NSF: variants seen among roughly 807,000 people sequenced by gnomAD.
NSF encodes N-ethylmaleimide sensitive factor, vesicle fusing ATPase.
In NSF, 14 loss-of-function variants were observed where a neutral mutation model predicts 50.3. That is an observed-to-expected ratio of 0.28 (90% confidence interval 0.18 to 0.44). The LOEUF is 0.44. Ranked by LOEUF, NSF falls within the 20% of genes least tolerant of loss-of-function variation. The pLI is 1.00. For synonymous variants in NSF, 109 were observed against 175.7 expected, an observed-to-expected ratio of 0.62 and a Z score of 3.00; for missense variants, 218 against 504.3, an observed-to-expected ratio of 0.43 and a Z score of 5.44.
At chr17:46,711,238 T>G in intron 14 of NSF, 119 bp downstream of exon 14, 1 of 971,288 alleles carries the variant, frequency 1.0e-6, no homozygotes, top group Non-Finnish European at 1.4e-6. Flanking sequence ...TTGTTCTTGA[T>G]CTGAAAATAG....
chr17:46,751,202 G>C (rs988229268), intron 18 of NSF, among the ~76,000 whole-genome samples: 2 of 152,150 alleles, frequency 1.3e-5, no homozygotes, highest in African/African-American at 4.8e-5. Flanking sequence ...TCCTAGAAAA[G>C]AATGTTAAAA....
intron 15 of NSF, chr17:46,722,052 G>A: frequency 6.2e-7 from 1 of 1,609,898 alleles, no homozygotes; most frequent in Non-Finnish European, 8.5e-7. Context: ...TCCCTGAGCT[G>A]AGCCTTGAGG....
intron 17 of NSF, among the ~76,000 whole-genome samples, chr17:46,730,596 T>C (rs1001495079): frequency 2.0e-5 from 3 of 152,200 alleles, no homozygotes; most frequent in Non-Finnish European, 2.9e-5. Context: ...CATTATCTTA[T>C]GCTTTTAAAT....
intron 1 of NSF, among the ~76,000 whole-genome samples, chr17:46,601,741 A>G (rs2057912523): frequency 6.6e-6 from 1 of 150,432 alleles, no homozygotes; most frequent in Non-Finnish European, 1.5e-5. Context: ...ATTTGCATCA[A>G]TAACACTGTT....
intron 19 of NSF, among the ~76,000 whole-genome samples, chr17:46,752,870 G>T (rs1185797028): frequency 6.6e-6 from 1 of 152,050 alleles, no homozygotes; most frequent in Non-Finnish European, 1.5e-5. Flanking sequence ...GGGTTCAAGG[G>T]ATTCTCCTGC....
intron 1 of NSF, among the ~76,000 whole-genome samples, chr17:46,605,993 TACAAAAAAAA>T: frequency 1.3e-3 from 1 of 762 alleles, no homozygotes; most frequent in East Asian, 0.022. Context: ...CTACTAAAAA[TACAAAAAAAA>T]AAAAAAAAAA....
intron 17 of NSF, among the ~76,000 whole-genome samples, chr17:46,748,099 CT>C (rs1338482156): frequency 6.6e-6 from 1 of 152,014 alleles, no homozygotes; most frequent in Non-Finnish European, 1.5e-5. Context: ...TATTTCTAAC[CT>C]TTTTATTTAT....
At chr17:46,750,812 A>C (rs2059174975) in intron 18 of NSF, among the ~76,000 whole-genome samples, 1 of 152,082 alleles carries the variant, frequency 6.6e-6, no homozygotes, top group South Asian at 2.1e-4. Context: ...GCATTTAATA[A>C]GTTGGAACAA....
In NSF at chr17:46,751,418, CTCT is replaced by C. The variant is rs1346155125; in HGVS notation, c.2044-80_2044-78del. The stretch of plus-strand genomic sequence containing the variant: ...TTGAACAGTTAGGTAGTTCTTATCA[CTCT>C]TCTTTTAAAGGTAAATAGAATTAAC... On this transcript the variant is annotated intron_variant, in intron 18 of 20. Coordinates refer to ENST00000398238, the MANE Select transcript of NSF (RefSeq NM_006178.4). 1.2e-5 allele frequency: 12 copies of C among 967,394 alleles called. No individual in the cohort carries two copies. The African/African-American group carries it at 1.9e-4, about 16-fold the overall frequency. The allele number at this position is 967,394 out of a possible 1,614,324, so 59.9% of individuals were successfully genotyped here. A position where few individuals can be genotyped will look rare whatever the true frequency, so the allele number is the denominator to read the frequency against.
Position 46,640,281 on chromosome 17 carries a change from ATAG to A in NSF, c.513+124_513+126del, listed in dbSNP as rs1452985849. 7.7e-6 allele frequency: 2 copies of A among 259,080 alleles called. 1 individual carries two copies. Among genetic ancestry groups the A allele is most frequent in the Non-Finnish European group, 1.3e-5 (2 of 152,108 alleles). The allele number at this position is 259,080 out of a possible 1,614,324, so 16.0% of individuals were successfully genotyped here. A position where few individuals can be genotyped will look rare whatever the true frequency, so the allele number is the denominator to read the frequency against. ...TTTTCATATTGTGTACCCTTTTAAGATAGTAGGGAGAAAAAATTGCTTTCATAG... is the reference window on the plus strand; with the variant it reads ...TTTTCATATTGTGTACCCTTTTAAGATAGGGAGAAAAAATTGCTTTCATAG... On this transcript the variant is annotated intron_variant, in intron 6 of 20. Coordinates refer to ENST00000398238, the MANE Select transcript of NSF (RefSeq NM_006178.4).
At chr17:46,715,719 G>A (rs1343465910) in intron 15 of NSF, among the ~76,000 whole-genome samples, 1 of 152,154 alleles carries the variant, frequency 6.6e-6, no homozygotes, top group Non-Finnish European at 1.5e-5. Context: ...TGACTTGAAG[G>A]GGGAAGGTAA....
chr17:46,737,570 T>C (rs1015544310), intron 17 of NSF, among the ~76,000 whole-genome samples: 12 of 94,028 alleles, frequency 1.3e-4, no homozygotes, highest in Middle Eastern at 4.5e-3. Flanking sequence ...AGGGTGTGTG[T>C]GCGTGTGTGT....
At chr17:46,621,125 G>A (rs1455421047) in intron 1 of NSF, among the ~76,000 whole-genome samples, 1 of 140,344 alleles carries the variant, frequency 7.1e-6, no homozygotes, top group East Asian at 2.2e-4. Flanking sequence ...AAAATTCAGT[G>A]GCTACTCTCT....
intron 1 of NSF, among the ~76,000 whole-genome samples, chr17:46,609,869 A>G: frequency 7.6e-6 from 1 of 131,892 alleles, no homozygotes; most frequent in East Asian, 2.0e-4. Flanking sequence ...TTTGTCACCC[A>G]GTCTGGAATG....
intron 15 of NSF, among the ~76,000 whole-genome samples, chr17:46,720,725 C>T (rs139585239): frequency 1.1e-4 from 17 of 152,262 alleles, no homozygotes; most frequent in Non-Finnish European, 1.5e-5. Context: ...TTCCTACAGT[C>T]ATCAGATTTC....
chr17:46,755,280 A>C, intron 19 of NSF, 34 bp from the exon 20 acceptor site: 3 of 1,557,266 alleles, frequency 1.9e-6, no homozygotes, highest in Non-Finnish European at 2.7e-6. Context: ...AGAAGGTACC[A>C]TTAACCCATC....
intron 13 of NSF, among the ~76,000 whole-genome samples, chr17:46,708,751 C>G (rs986546379): frequency 6.7e-6 from 1 of 148,394 alleles, no homozygotes; most frequent in Non-Finnish European, 1.5e-5. Context: ...ACCTCAGCCT[C>G]CCAGTGTGCT....
intron 10 of NSF, among the ~76,000 whole-genome samples, chr17:46,693,517 A>G (rs967482400): frequency 1.9e-4 from 27 of 142,494 alleles, no homozygotes; most frequent in African/African-American, 4.6e-4. Context: ...CTTCTGGGGG[A>G]AAAAAAAAAA....
intron 17 of NSF, among the ~76,000 whole-genome samples, chr17:46,745,042 CT>C (rs371006496): frequency 0.99 from 149,300 of 150,428 alleles, 74,095 homozygotes; most frequent in Middle Eastern, 1. Flanking sequence ...TCACTCTGTG[CT>C]TTTTTTTTTG....
Sources: allele counts gnomAD v4.1 joint callset (sites outside exome capture counted in the v4.1 genomes callset), GRCh38; gene constraint gnomAD v4.1.1; transcripts MANE v1.5; gene names NCBI Gene and HGNC (gene_info 2026-07-23, HGNC 2026-07-21).